Variants in AFF3 observed in about 807,000 individuals in gnomAD.
AFF3 encodes the protein ALF transcription elongation factor 3.
AFF3 carries 32 observed loss-of-function variants against 129.7 expected under a neutral mutation model. The observed-to-expected ratio is 0.25, with a 90% CI of 0.19 to 0.33. AFF3 has a LOEUF of 0.33. Ranked by LOEUF, AFF3 falls within the 10% of genes least tolerant of loss-of-function variation. The probability of loss-of-function intolerance (pLI) is 1.00; values close to 1 mark genes in which losing one functional copy is unlikely to be tolerated. For synonymous variants in AFF3, 644 were observed against 635.4 expected (o/e 1.01, Z -0.20); for missense variants, 1,373 against 1,592.0 (o/e 0.86, Z 2.34).
intron 7 of AFF3, among the ~76,000 whole-genome samples, chr2:99,854,859 T>C (rs1215010563): frequency 3.9e-5 from 6 of 152,246 alleles, no homozygotes; most frequent in Non-Finnish European, 8.8e-5. Flanking sequence ...CCATTTATTT[T>C]TGATGAAAAT....
intron 7 of AFF3, among the ~76,000 whole-genome samples, chr2:99,961,781 A>G (rs1677234179): frequency 1.3e-5 from 2 of 152,150 alleles, no homozygotes; most frequent in South Asian, 4.1e-4. Flanking sequence ...GGCATTTCCC[A>G]ACCCACAGCC....
chr2:99,747,153 C>T (rs866335017), intron 9 of AFF3, among the ~76,000 whole-genome samples: 2 of 151,762 alleles, frequency 1.3e-5, no homozygotes, highest in Non-Finnish European at 2.9e-5. Context: ...CTCAGCATCC[C>T]GAGTAGCTGG....
chr2:99,609,726 G>C (rs1439784710), intron 13 of AFF3, among the ~76,000 whole-genome samples: 1 of 152,140 alleles, frequency 6.6e-6, no homozygotes, highest in Non-Finnish European at 1.5e-5. Flanking sequence ...GATCGTTCTT[G>C]TGCCCCTCAC....
intron 7 of AFF3, among the ~76,000 whole-genome samples, chr2:99,944,873 G>GA (rs1675406435): frequency 6.6e-6 from 1 of 152,158 alleles, no homozygotes; most frequent in Non-Finnish European, 1.5e-5. Context: ...ACACTTGAGA[G>GA]AAAATATATG....
At chr2:100,068,710 A>G (rs1236457559) in intron 4 of AFF3, among the ~76,000 whole-genome samples, 1 of 152,124 alleles carries the variant, frequency 6.6e-6, no homozygotes, top group Non-Finnish European at 1.5e-5. Context: ...CCTCTGAACT[A>G]CTTCCAGCTG....
At chr2:100,010,862 G>A (rs1439091923) in intron 4 of AFF3, among the ~76,000 whole-genome samples, 1 of 152,192 alleles carries the variant, frequency 6.6e-6, no homozygotes, top group East Asian at 1.9e-4. Context: ...AATGGAGACT[G>A]CTCTGAGGAT....
At chr2:99,595,093 A>G (rs894476737) in intron 14 of AFF3, among the ~76,000 whole-genome samples, 2 of 152,172 alleles carry the variant, frequency 1.3e-5, no homozygotes, top group African/African-American at 4.8e-5. Flanking sequence ...CCTGAAATGG[A>G]TGGGAAATGT....
chr2:100,112,343 C>G (rs1451678956), intron 2 of AFF3: 1 of 152,186 alleles, frequency 6.6e-6, no homozygotes. Flanking sequence ...ATGCCCACAA[C>G]AAGATAGGAG....
chr2:99,713,990 C>T (rs766462768), intron 11 of AFF3, among the ~76,000 whole-genome samples: 9 of 152,148 alleles, frequency 5.9e-5, no homozygotes, highest in Non-Finnish European at 8.8e-5. Context: ...GGTGAGCCAC[C>T]ATGCCCAGCC....
chr2:99,648,905 A>ACTCTCTCTCTCTCTCTCTCTCTCT, intron 13 of AFF3, among the ~76,000 whole-genome samples: 1 of 40,294 alleles, frequency 2.5e-5, no homozygotes, highest in African/African-American at 6.6e-5. Flanking sequence ...ACACACACAC[A>ACTCTCTCTCTCTCTCTCTCTCTCT]CACACACACA....
intron 18 of AFF3, among the ~76,000 whole-genome samples, chr2:99,572,356 C>T (rs1169886089): frequency 1.5e-5 from 2 of 132,628 alleles, no homozygotes; most frequent in African/African-American, 5.5e-5. Flanking sequence ...GTTTGAGCTA[C>T]CCCCATATTT....
intron 13 of AFF3, among the ~76,000 whole-genome samples, chr2:99,621,951 T>C (rs1352681548): frequency 1.3e-5 from 2 of 152,118 alleles, no homozygotes; most frequent in African/African-American, 2.4e-5. Context: ...TTCAATTTTA[T>C]AGCATCCAGC....
At chr2:100,052,232 A>G (rs565062327) in intron 4 of AFF3, among the ~76,000 whole-genome samples, 1 of 152,316 alleles carries the variant, frequency 6.6e-6, no homozygotes, top group South Asian at 2.1e-4. Flanking sequence ...ATTCATTTTA[A>G]AATTGCAGCA....
intron 2 of AFF3, among the ~76,000 whole-genome samples, chr2:100,117,086 GTTTTACCA>G: frequency 6.6e-6 from 1 of 152,144 alleles, no homozygotes; most frequent in East Asian, 1.9e-4. Context: ...ATTATCAGCA[GTTTTACCA>G]TAATGTACCT....
At chr2:99,891,698 G>A (rs1246887712) in intron 7 of AFF3, among the ~76,000 whole-genome samples, 1 of 152,212 alleles carries the variant, frequency 6.6e-6, no homozygotes, top group African/African-American at 2.4e-5. Flanking sequence ...CTGCCTCACT[G>A]TACAGATGAA....
intron 8 of AFF3, among the ~76,000 whole-genome samples, chr2:99,780,306 C>A (rs1312414664): frequency 6.6e-6 from 1 of 152,224 alleles, no homozygotes; most frequent in Non-Finnish European, 1.5e-5. Flanking sequence ...AGCGCTCTGT[C>A]TGAGTAAATA....
chr2:99,699,964 T>C (rs1298584912), intron 11 of AFF3, among the ~76,000 whole-genome samples: 2 of 152,224 alleles, frequency 1.3e-5, no homozygotes, highest in East Asian at 1.9e-4. Context: ...TCTTGTGGAA[T>C]TGGATTTCCA....
chr2:100,119,932 G>C (rs1691884465), intron 2 of AFF3, among the ~76,000 whole-genome samples: 1 of 152,206 alleles, frequency 6.6e-6, no homozygotes, highest in Non-Finnish European at 1.5e-5. Flanking sequence ...TGTTAGAATG[G>C]AGTAGATTAC....
intron 8 of AFF3, among the ~76,000 whole-genome samples, chr2:99,783,002 T>G (rs1302090145): frequency 6.6e-6 from 1 of 152,196 alleles, no homozygotes; most frequent in Non-Finnish European, 1.5e-5. Context: ...TATGAGAGAT[T>G]AAAGACAGTC....
Sources: allele counts gnomAD v4.1 joint callset (sites outside exome capture counted in the v4.1 genomes callset), GRCh38; gene constraint gnomAD v4.1.1; transcripts MANE v1.5; gene names NCBI Gene and HGNC (gene_info 2026-07-23, HGNC 2026-07-21).